IQGAP1: variants seen among roughly 807,000 people sequenced by gnomAD.
IQGAP1 encodes ras GTPase-activating-like protein IQGAP1.
Under a neutral mutation model 215.6 loss-of-function variants are expected in IQGAP1, and 66 were observed. The observed-to-expected ratio is 0.31, with a 90% CI of 0.25 to 0.38. The LOEUF is 0.38. IQGAP1 is among the 10% of genes least tolerant of loss of function. IQGAP1 has a pLI of 1.00. For missense variants in IQGAP1, 1,712 were observed against 1,997.1 expected (o/e 0.86, Z 2.72); for synonymous variants, 772 against 728.7 (o/e 1.06, Z -0.96).
At chr15:90,451,395 C>G (rs932556524) in intron 11 of IQGAP1, among the ~76,000 whole-genome samples, 1 of 152,154 alleles carries the variant, frequency 6.6e-6, no homozygotes, top group South Asian at 2.1e-4. Flanking sequence ...GGCAAGTGGG[C>G]TCATGTGAAG....
At chr15:90,457,608 T>TA (rs1965703869) in intron 15 of IQGAP1, among the ~76,000 whole-genome samples, 1 of 149,800 alleles carries the variant, frequency 6.7e-6, no homozygotes, top group Admixed American at 6.6e-5. Flanking sequence ...TTTTTTTTTT[T>TA]TTTTTGTATT....
chr15:90,434,294 TG>T (rs1965340799), intron 5 of IQGAP1, among the ~76,000 whole-genome samples: 1 of 151,932 alleles, frequency 6.6e-6, no homozygotes, highest in East Asian at 1.9e-4. Context: ...AAAAATTAGC[TG>T]GGCATGGTGG....
intron 33 of IQGAP1, among the ~76,000 whole-genome samples, chr15:90,490,492 A>G (rs1314023563): frequency 2.0e-5 from 3 of 151,952 alleles, no homozygotes; most frequent in Non-Finnish European, 4.4e-5. Context: ...TGGCAGTATC[A>G]AGGGAAGGTG....
rs80326987 is a variant in IQGAP1 at position 90,485,042 on chromosome 15, A to G, written c.3921+690A>G. On this transcript the variant is annotated intron_variant, in intron 30 of 37. Transcript: ENST00000268182. Reference sequence around the variant, plus strand: ...CGTTATTTTTCTAACATGATCTAGAATACTAGCTTTCTCTGTGTAGCCTTG... The same window carrying G: ...CGTTATTTTTCTAACATGATCTAGAGTACTAGCTTTCTCTGTGTAGCCTTG... Among the ~76,000 whole-genome samples the G allele has an allele frequency of 1.0e-2, 1,522 of 152,278 alleles. 20 individuals carry two copies. The highest frequency in any genetic ancestry group is 0.033 in the African/African-American group (1,386 of 41,548).
chr15:90,418,700 C>T (rs970153039), intron 2 of IQGAP1, among the ~76,000 whole-genome samples: 6 of 152,136 alleles, frequency 3.9e-5, no homozygotes, highest in African/African-American at 1.4e-4. Flanking sequence ...TCCCTTAGTG[C>T]TTGATAGAAG....
intron 37 of IQGAP1, among the ~76,000 whole-genome samples, chr15:90,498,660 GA>G (rs1644322190): frequency 6.6e-6 from 1 of 151,084 alleles, no homozygotes; most frequent in Admixed American, 6.6e-5. Flanking sequence ...TCTTTTTTTG[GA>G]GGGGGGGGCA....
chr15:90,491,835 A>T (rs1051463725), intron 34 of IQGAP1, among the ~76,000 whole-genome samples: 4 of 152,214 alleles, frequency 2.6e-5, no homozygotes, highest in Non-Finnish European at 5.9e-5. Context: ...GATTACTGTG[A>T]AATATAAATT....
chr15:90,418,647 G>C (rs926018221), intron 2 of IQGAP1, among the ~76,000 whole-genome samples: 1 of 152,120 alleles, frequency 6.6e-6, no homozygotes, highest in African/African-American at 2.4e-5. Flanking sequence ...ATTCATTTTT[G>C]TACTAATTGT....
chr15:90,433,779 T>C lies in IQGAP1; in HGVS notation c.451T>C (p.Cys151Arg). 1 of 1,603,386 alleles carries C rather than the reference T, an allele frequency of 6.2e-7. No individual in the cohort carries two copies. The highest frequency in any genetic ancestry group is 8.5e-7 in the Non-Finnish European group (1 of 1,172,758). Residue 151 changes from cysteine (C) to arginine (R), a missense_variant, in exon 5 of 38, where the codon TGT becomes CGT. Cys to Arg is a radical substitution (Grantham distance 180). Coordinates refer to ENST00000268182, the MANE Select transcript of IQGAP1 (RefSeq NM_003870.4). ...DRKNMPRCIYCIHALSLYLFK... is the reference protein window; with the variant it reads ...DRKNMPRCIYRIHALSLYLFK... The stretch of plus-strand genomic sequence containing the variant: ...AAAGAACATGCCAAGATGTATCTAC[T>C]GTATCCATGCACTCAGGTAGTCAAA...
intron 2 of IQGAP1, among the ~76,000 whole-genome samples, chr15:90,406,719 A>G (rs1964883608): frequency 6.6e-6 from 1 of 152,188 alleles, no homozygotes; most frequent in African/African-American, 2.4e-5. Flanking sequence ...ACTTGTTTCT[A>G]GAGAGATAGT....
intron 34 of IQGAP1, 39 bp downstream of exon 34, chr15:90,491,584 C>A: frequency 6.4e-7 from 1 of 1,551,592 alleles, no homozygotes. Context: ...CGGCCTTGTT[C>A]AAAGCTGAGA....
At chr15:90,388,676 G>T (rs1001022584) in intron 1 of IQGAP1, among the ~76,000 whole-genome samples, 1 of 152,134 alleles carries the variant, frequency 6.6e-6, no homozygotes, top group African/African-American at 2.4e-5. Context: ...GCCCAGGCTC[G>T]GCCGAGATTG....
chr15:90,398,627 C>T (rs1293889041), intron 2 of IQGAP1, among the ~76,000 whole-genome samples: 5 of 152,088 alleles, frequency 3.3e-5, no homozygotes, highest in Admixed American at 3.3e-4. Flanking sequence ...TAGCCCAGTC[C>T]ACCTTAATTG....
At chr15:90,397,218 A>G (rs772932589) in intron 2 of IQGAP1, among the ~76,000 whole-genome samples, 29 of 152,236 alleles carry the variant, frequency 1.9e-4, no homozygotes, top group Admixed American at 3.3e-4. Context: ...TTATTAAGAA[A>G]AGTCATGTGG....
rs1965558324 is a variant in IQGAP1, at chr15:90,448,674, C to T, written c.1015C>T (p.Gln339Ter). The T allele has an allele frequency of 6.2e-7, 1 of 1,611,748 alleles. No individual in the cohort carries two copies. Residue 339 changes from glutamine to a stop codon, truncating the protein, a stop_gained, in exon 10 of 38, where the codon CAG becomes TAG. Coordinates refer to ENST00000268182, the MANE Select transcript of IQGAP1 (RefSeq NM_003870.4). LOFTEE classifies it high-confidence loss of function. ...ACCAGCCCTGGGGCTTCGAGGACTG[C>T]AGCAACAGAATAGCGACTGGTACTT... ...QSPALGLRGLQQQNSDWYLKQ... is the reference protein window; with the variant it reads ...QSPALGLRGL
chr15:90,443,315 CAGG>C, intron 8 of IQGAP1, 76 bp from the exon 9 acceptor site: 1 of 822,024 alleles, frequency 1.2e-6, no homozygotes, highest in Non-Finnish European at 2.1e-6. Context: ...TGTTATGGTG[CAGG>C]AGGAGCACAC....
At chr15:90,487,675 G>C (rs757673603) in intron 33 of IQGAP1, 93 bp downstream of exon 33, 4 of 838,790 alleles carry the variant, frequency 4.8e-6, no homozygotes, top group Non-Finnish European at 7.8e-6. Context: ...ACAAATAACA[G>C]TTGGTAGCCT....
At chr15:90,471,973 T>C (rs1406011513) in intron 18 of IQGAP1, among the ~76,000 whole-genome samples, 1 of 152,212 alleles carries the variant, frequency 6.6e-6, no homozygotes, top group Non-Finnish European at 1.5e-5. Flanking sequence ...TGGATCACAA[T>C]AGCAGCATTG....
intron 11 of IQGAP1, among the ~76,000 whole-genome samples, chr15:90,450,399 C>T (rs1297759568): frequency 1.2e-5 from 1 of 80,902 alleles, no homozygotes; most frequent in African/African-American, 4.7e-5. Context: ...AGGTTGATTT[C>T]ATATCTTGGC....
Sources: gnomAD v4.1 joint callset for allele counts (sites outside exome capture counted in the v4.1 genomes callset) on GRCh38, gnomAD v4.1.1 for gene constraint, MANE v1.5 for transcripts, NCBI Gene and HGNC (gene_info 2026-07-23, HGNC 2026-07-21) for gene names.